The following KALRN variants were observed in gnomAD, a reference collection of about 807,000 sequenced individuals.
KALRN encodes kalirin.
In KALRN, 70 loss-of-function variants were observed where a neutral mutation model predicts 353.7. The observed-to-expected ratio is 0.20, with a 90% CI of 0.16 to 0.24. The LOEUF (loss-of-function observed/expected upper bound fraction) is 0.24, where lower values mean the gene tolerates loss of function less well. Among genes scored for constraint, KALRN ranks in the 10% least tolerant of loss-of-function variants. The probability of loss-of-function intolerance (pLI) is 1.00; values close to 1 mark genes in which losing one functional copy is unlikely to be tolerated. For synonymous variants in KALRN, 1,391 were observed against 1,434.8 expected, an observed-to-expected ratio of 0.97 and a Z score of 0.69; for missense variants, 2,791 against 3,756.7, an observed-to-expected ratio of 0.74 and a Z score of 6.72.
intron 25 of KALRN, among the ~76,000 whole-genome samples, chr3:124,467,015 C>A (rs142604808): frequency 2.0e-5 from 3 of 152,286 alleles, no homozygotes; most frequent in East Asian, 1.9e-4. Flanking sequence ...AATTAGGGAC[C>A]AACCACCAAG....
rs553159837 is a variant in KALRN at position 124,272,613 on chromosome 3, G to C, written c.969+3358G>C. ...GCATGTGAGTAGAGGGGTGGGGAGA[G>C]AGGGAGAGAATATTCAAAACAAGGG... is the stretch of plus-strand genomic sequence containing the variant. On this transcript the variant is annotated intron_variant, in intron 5 of 59. Coordinates refer to ENST00000682506, the MANE Select transcript of KALRN (RefSeq NM_001388419.1). 2.6e-5 allele frequency among the ~76,000 whole-genome samples: 4 copies of C among 152,150 alleles called. No homozygotes were observed. The South Asian group carries it at 8.3e-4, about 32-fold the overall frequency.
intron 10 of KALRN, among the ~76,000 whole-genome samples, chr3:124,378,965 A>G (rs887726165): frequency 2.0e-5 from 3 of 151,820 alleles, no homozygotes; most frequent in Non-Finnish European, 4.4e-5. Flanking sequence ...GTTATATTTG[A>G]AAACTTCTTG....
rs940469613 is a variant in KALRN, at chr3:124,222,103, G to A, written c.74-5887G>A. ...TCTTAGAGATGGCATCTTGGTGACA[G>A]TATTTATGCTACCGAAAGTAGTTAG... On this transcript the variant is annotated intron_variant, in intron 1 of 59. Transcript: ENST00000682506. Among the ~76,000 whole-genome samples, 15 of 152,322 alleles carry A rather than the reference G, an allele frequency of 9.8e-5. No individual in the cohort carries two copies. In the East Asian group the frequency reaches 2.9e-3, roughly 29 times the overall value.
intron 10 of KALRN, among the ~76,000 whole-genome samples, chr3:124,380,526 C>G (rs2087205820): frequency 6.6e-6 from 1 of 152,264 alleles, no homozygotes; most frequent in South Asian, 2.1e-4. Flanking sequence ...GATCTATACA[C>G]CAGCACTCAT....
chr3:124,201,115 C>T (rs2075901223), intron 1 of KALRN, among the ~76,000 whole-genome samples: 1 of 152,160 alleles, frequency 6.6e-6, no homozygotes, highest in Non-Finnish European at 1.5e-5. Flanking sequence ...GATATGATGC[C>T]AGGAGATTCT....
intron 1 of KALRN, among the ~76,000 whole-genome samples, chr3:124,187,155 G>A (rs1327286569): frequency 3.3e-5 from 5 of 152,038 alleles, no homozygotes; most frequent in Admixed American, 2.0e-4. Context: ...ATCTCAGCTC[G>A]CTGCAAACTC....
At chr3:124,597,507 A>G (rs1008389692) in intron 34 of KALRN, among the ~76,000 whole-genome samples, 2 of 152,294 alleles carry the variant, frequency 1.3e-5, no homozygotes, top group Non-Finnish European at 2.9e-5. Context: ...ACTGCGTGCT[A>G]AAGAGCAGGA....
chr3:124,446,817 A>C lies in KALRN; in HGVS notation c.3484A>C (p.Thr1162Pro). The part of the protein sequence containing the change: ...GEFYLSTHTS[T>P]GETTEETQEL... ...ATTTTACCTCTCAACACATACCTCC[A>C]CTGGAGAGACCACAGAGGAGACTCA... Residue 1162 changes from threonine (T) to proline (P), a missense_variant, in exon 21 of 60, where the codon ACT becomes CCT. Transcript: ENST00000682506. The C allele has an allele frequency of 6.2e-7, 1 of 1,613,786 alleles. No individual in the cohort carries two copies. The highest frequency in any genetic ancestry group is 2.2e-5 in the East Asian group (1 of 44,868).
At chr3:124,443,411 T>C (rs548013669) in intron 19 of KALRN, among the ~76,000 whole-genome samples, 1 of 152,280 alleles carries the variant, frequency 6.6e-6, no homozygotes, top group East Asian at 1.9e-4. Context: ...AAGAAGAGCT[T>C]CCCTCTTTGC....
chr3:124,429,776 C>T (rs1256373738), intron 15 of KALRN, among the ~76,000 whole-genome samples: 1 of 152,198 alleles, frequency 6.6e-6, no homozygotes, highest in Non-Finnish European at 1.5e-5. Flanking sequence ...ATTCAGCCTA[C>T]CCATGGCCTC....
At chr3:124,663,727 T>C (rs977331585) in intron 45 of KALRN, among the ~76,000 whole-genome samples, 4 of 152,180 alleles carry the variant, frequency 2.6e-5, no homozygotes, top group African/African-American at 7.2e-5. Context: ...AATTCAGAAA[T>C]AAATGGCTTG....
chr3:124,493,497 A>G (rs1284918716), intron 32 of KALRN, among the ~76,000 whole-genome samples: 1 of 152,212 alleles, frequency 6.6e-6, no homozygotes, highest in East Asian at 1.9e-4. Flanking sequence ...CCAAGTCTCC[A>G]TGTGACACCT....
intron 15 of KALRN, among the ~76,000 whole-genome samples, chr3:124,430,063 A>C (rs1011689236): frequency 1.3e-5 from 2 of 152,184 alleles, no homozygotes; most frequent in Non-Finnish European, 2.9e-5. Flanking sequence ...TGTGAGACTA[A>C]AATACAGCTA....
At chr3:124,139,896 C>T (rs1161931717) in intron 1 of KALRN, among the ~76,000 whole-genome samples, 1 of 152,122 alleles carries the variant, frequency 6.6e-6, no homozygotes, top group South Asian at 2.1e-4. Flanking sequence ...CTTGATCTCT[C>T]TAACTCTGCC....
intron 1 of KALRN, among the ~76,000 whole-genome samples, chr3:124,091,217 A>G (rs1046482931): frequency 6.6e-6 from 1 of 152,230 alleles, no homozygotes; most frequent in Non-Finnish European, 1.5e-5. Flanking sequence ...TCAAAATGGT[A>G]GCCGGGTGGA....
intron 1 of KALRN, among the ~76,000 whole-genome samples, chr3:124,129,431 G>A (rs1327801836): frequency 2.0e-5 from 3 of 152,168 alleles, no homozygotes; most frequent in Non-Finnish European, 2.9e-5. Context: ...TTAGAACAGA[G>A]CCCCTTCTCA....
chr3:124,307,667 T>A (rs1022981485), intron 6 of KALRN, among the ~76,000 whole-genome samples: 1 of 151,928 alleles, frequency 6.6e-6, no homozygotes, highest in East Asian at 1.9e-4. Context: ...ACCAAGATGC[T>A]ACACTACAAA....
At chr3:124,492,301 T>C (rs1328746625) in intron 31 of KALRN, among the ~76,000 whole-genome samples, 3 of 152,200 alleles carry the variant, frequency 2.0e-5, no homozygotes, top group Admixed American at 2.0e-4. Flanking sequence ...TACAAGTCTG[T>C]GGAGCCATGC....
intron 57 of KALRN, among the ~76,000 whole-genome samples, chr3:124,711,439 G>C (rs147001123): frequency 6.6e-6 from 1 of 152,306 alleles, no homozygotes; most frequent in Non-Finnish European, 1.5e-5. Flanking sequence ...TGGTGGCCAT[G>C]ACACACCCAT....
Sources: allele counts gnomAD v4.1 joint callset (sites outside exome capture counted in the v4.1 genomes callset), GRCh38; gene constraint gnomAD v4.1.1; transcripts MANE v1.5; gene names NCBI Gene and HGNC (gene_info 2026-07-23, HGNC 2026-07-21).